The following STXBP5L variants were observed in gnomAD, a reference collection of about 807,000 sequenced individuals.
STXBP5L encodes the protein syntaxin-binding protein 5-like.
In STXBP5L, 65 loss-of-function variants were observed where a neutral mutation model predicts 144.5. That is an observed-to-expected ratio of 0.45 (90% confidence interval 0.37 to 0.55). STXBP5L has a LOEUF of 0.55. Ranked by LOEUF, STXBP5L falls within the 20% of genes least tolerant of loss-of-function variation. The pLI is 0.00. For synonymous variants in STXBP5L, 505 were observed against 469.6 expected (o/e 1.08, Z -0.97); for missense variants, 1,298 against 1,405.5 (o/e 0.92, Z 1.22).
At chr3:121,077,841 C>T (rs1027133030) in intron 5 of STXBP5L, among the ~76,000 whole-genome samples, 2 of 152,186 alleles carry the variant, frequency 1.3e-5, no homozygotes, top group African/African-American at 4.8e-5. Flanking sequence ...GGTGCATTCA[C>T]AAACCCTGAG....
intron 5 of STXBP5L, among the ~76,000 whole-genome samples, chr3:121,063,650 C>G (rs2041396532): frequency 6.6e-6 from 1 of 152,178 alleles, no homozygotes; most frequent in Admixed American, 6.5e-5. Context: ...GTATAAGCCC[C>G]AGACTGGGGC....
chr3:121,325,701 A>G lies in STXBP5L; in HGVS notation c.2176+7161A>G, dbSNP rs1394538917. Among the ~76,000 whole-genome samples, 4 of 152,084 alleles carry G rather than the reference A, an allele frequency of 2.6e-5. No individual in the cohort carries two copies. The East Asian group carries it at 7.7e-4, about 29-fold the overall frequency. On this transcript the variant is annotated intron_variant, in intron 20 of 26. Coordinates refer to ENST00000471454, the MANE Select transcript of STXBP5L (RefSeq NM_001308330.2). ...TTACAGTTCATAAATCAACAACATT[A>G]TCACCTTTTGAGTATATTAAGCCTT... is the stretch of plus-strand genomic sequence containing the variant.
At chr3:121,378,590 T>G in intron 20 of STXBP5L, 126 bp from the exon 21 acceptor site, 1 of 1,118,846 alleles carries the variant, frequency 8.9e-7, no homozygotes, top group Non-Finnish European at 1.2e-6. Flanking sequence ...AGGACTTAAC[T>G]ATATTCATGT....
chr3:121,204,710 T>C (rs991435366), intron 9 of STXBP5L, among the ~76,000 whole-genome samples: 1 of 152,050 alleles, frequency 6.6e-6, no homozygotes, highest in Non-Finnish European at 1.5e-5. Flanking sequence ...AATACAAGAA[T>C]AAATAAGGGT....
At chr3:121,013,388 T>C (rs574199022) in intron 3 of STXBP5L, among the ~76,000 whole-genome samples, 9 of 152,258 alleles carry the variant, frequency 5.9e-5, no homozygotes, top group African/African-American at 1.9e-4. Context: ...ATAGTCATTC[T>C]GACTGGTGTG....
intron 9 of STXBP5L, among the ~76,000 whole-genome samples, chr3:121,181,870 A>C (rs1426142860): frequency 1.3e-5 from 2 of 152,168 alleles, no homozygotes; most frequent in Non-Finnish European, 2.9e-5. Context: ...AACATATTCC[A>C]TGCAAATGTA....
intron 5 of STXBP5L, among the ~76,000 whole-genome samples, chr3:121,090,226 G>A (rs1004596663): frequency 6.6e-5 from 10 of 152,064 alleles, no homozygotes; most frequent in African/African-American, 2.2e-4. Context: ...TCTGGCAGGG[G>A]AAGGTCAGAT....
At chr3:121,386,063 T>A (rs980106309) in intron 22 of STXBP5L, among the ~76,000 whole-genome samples, 3 of 152,190 alleles carry the variant, frequency 2.0e-5, no homozygotes, top group Non-Finnish European at 2.9e-5. Flanking sequence ...AATATACTTA[T>A]GAAATTCACA....
chr3:121,313,739 C>G (rs1186813498), intron 19 of STXBP5L, among the ~76,000 whole-genome samples: 10 of 117,274 alleles, frequency 8.5e-5, no homozygotes, highest in African/African-American at 2.9e-4. Flanking sequence ...GGGGGCTGAC[C>G]CCCCCCACCT....
intron 9 of STXBP5L, among the ~76,000 whole-genome samples, chr3:121,173,355 T>C (rs1478566318): frequency 6.7e-6 from 1 of 150,128 alleles, no homozygotes; most frequent in Non-Finnish European, 1.5e-5. Context: ...ATAATAATGA[T>C]AATAGAATAG....
chr3:121,381,567 A>G (rs17740072), intron 22 of STXBP5L, 35 bp downstream of exon 22: 259,467 of 1,571,442 alleles, frequency 0.17, 23,206 homozygotes, highest in Middle Eastern at 0.19. Flanking sequence ...CTTCACTGTT[A>G]CTTTTTCAAA....
intron 9 of STXBP5L, among the ~76,000 whole-genome samples, chr3:121,192,186 CAG>C (rs1026116809): frequency 2.6e-5 from 4 of 152,098 alleles, no homozygotes; most frequent in African/African-American, 9.7e-5. Flanking sequence ...CAATAACAGA[CAG>C]AGAGCCAAAT....
At chr3:121,374,133 C>A (rs1247042929) in intron 20 of STXBP5L, among the ~76,000 whole-genome samples, 1 of 152,048 alleles carries the variant, frequency 6.6e-6, no homozygotes, top group Middle Eastern at 3.2e-3. Flanking sequence ...CCCAGCAAAT[C>A]CTTACCACAG....
intron 6 of STXBP5L, 141 bp from the exon 7 acceptor site, chr3:121,121,500 A>T (rs1006725381): frequency 7.9e-6 from 4 of 505,468 alleles, no homozygotes; most frequent in Non-Finnish European, 1.4e-5. Flanking sequence ...TAAAGTAAAT[A>T]AAAAACTTAA....
At chr3:121,382,525 C>A (rs551994466) in intron 22 of STXBP5L, among the ~76,000 whole-genome samples, 11 of 151,912 alleles carry the variant, frequency 7.2e-5, no homozygotes, top group Non-Finnish European at 1.6e-4. Flanking sequence ...TCAGTGATAC[C>A]ATAATGAATT....
chr3:120,994,930 T>C (rs1943219449), intron 3 of STXBP5L, among the ~76,000 whole-genome samples: 1 of 152,120 alleles, frequency 6.6e-6, no homozygotes, highest in Non-Finnish European at 1.5e-5. Flanking sequence ...GAAGACTTTT[T>C]ATTACTGATT....
chr3:121,042,732 C>T (rs781722569), intron 4 of STXBP5L, among the ~76,000 whole-genome samples: 4 of 152,112 alleles, frequency 2.6e-5, no homozygotes, highest in Non-Finnish European at 4.4e-5. Flanking sequence ...CAAATGTTCA[C>T]TTTTCACTTC....
In STXBP5L at chr3:121,422,524, T is replaced by C. The variant is rs2047373400; in HGVS notation, c.*3427T>C. 6.6e-6 allele frequency: 1 copy of C among 152,192 alleles called. No individual in the cohort carries two copies. The highest frequency in any genetic ancestry group is 2.4e-5 in the African/African-American group (1 of 41,436). 9.4% of individuals were successfully genotyped at this position (152,192 alleles called of 1,614,324 possible). ...CCTACCTTGAAATCATCCATTAGTC[T>C]TGGAGTTTGGAGGGAGGAATGATTG... On this transcript the variant is annotated 3_prime_UTR_variant, in exon 27 of 27. Transcript: ENST00000471454.
chr3:120,910,565 GCTA>G (rs1708778074), intron 2 of STXBP5L, among the ~76,000 whole-genome samples: 1 of 151,952 alleles, frequency 6.6e-6, no homozygotes, highest in African/African-American at 2.4e-5. Flanking sequence ...TGCAACAAAG[GCTA>G]CTAAGTTATT....
Sources: gnomAD v4.1 joint callset for allele counts (sites outside exome capture counted in the v4.1 genomes callset) on GRCh38, gnomAD v4.1.1 for gene constraint, MANE v1.5 for transcripts, NCBI Gene and HGNC (gene_info 2026-07-23, HGNC 2026-07-21) for gene names.